Variants in TRMT44 observed in about 807,000 individuals in gnomAD.
TRMT44 encodes the protein tRNA methyltransferase 44 homolog.
Under a neutral mutation model 77.3 loss-of-function variants are expected in TRMT44, and 78 were observed. The observed-to-expected ratio is 1.01, with a 90% CI of 0.84 to 1.22. TRMT44 has a LOEUF of 1.22. TRMT44 is among the 50% of genes most tolerant of loss of function. TRMT44 has a pLI of 0.00. For synonymous variants in TRMT44, 391 were observed against 383.3 expected, an observed-to-expected ratio of 1.02 and a Z score of -0.23; for missense variants, 1,090 against 964.4, an observed-to-expected ratio of 1.13 and a Z score of -1.73.
downstream of TRMT44, among the ~76,000 whole-genome samples, chr4:8,479,989 T>A (rs1329118634): frequency 6.6e-5 from 10 of 152,052 alleles, no homozygotes; most frequent in African/African-American, 2.2e-4. Context: ...TTAATTGATC[T>A]CCTGCCTCAG....
rs754944047 is a variant in TRMT44 at position 8,475,752 on chromosome 4, TTC to T, written c.2045-16_2045-15del. 3.1e-6 allele frequency: 5 copies of T among 1,612,192 alleles called. No individual in the cohort carries two copies. The African/African-American group carries it at 5.3e-5, about 17-fold the overall frequency. The stretch of plus-strand genomic sequence containing the variant: ...TTTCAGGTTTACTTCTCAGTGTGTC[TTC>T]TCTGTTCCAAACCACAGTTGTGAAT... On this transcript the variant is annotated intron_variant, in intron 10 of 10. Coordinates refer to ENST00000389737, the MANE Select transcript of TRMT44 (RefSeq NM_152544.3).
chr4:8,479,882 T>TA (rs1373033560), downstream of TRMT44, among the ~76,000 whole-genome samples: 1 of 152,224 alleles, frequency 6.6e-6, no homozygotes, highest in Non-Finnish European at 1.5e-5. Flanking sequence ...TTCCTTTTTT[T>TA]ATTTTGTTTT....
At chr4:8,441,572 G>GT (rs1724702202) in intron 1 of TRMT44, 131 bp downstream of exon 1, 1 of 1,074,990 alleles carries the variant, frequency 9.3e-7, no homozygotes, top group East Asian at 2.8e-5. Context: ...GTGTTTCATA[G>GT]TTTTTTGAGT....
In TRMT44 at chr4:8,470,976, A is replaced by G. The variant is rs549420576; in HGVS notation, c.1928-108A>G. On this transcript the variant is annotated intron_variant, in intron 9 of 10. Coordinates refer to ENST00000389737, the MANE Select transcript of TRMT44 (RefSeq NM_152544.3). ...GGAATCGTCCTTCGTGCTGGAGTGC[A>G]TAACGCGTGTGAGTGTATGGAACTG... The G allele has an allele frequency of 9.0e-5, 66 of 733,138 alleles. No homozygotes were observed. The East Asian group carries it at 1.7e-3, about 18-fold the overall frequency. 45.4% of individuals were successfully genotyped at this position (733,138 alleles called of 1,614,324 possible). A position where few individuals can be genotyped will look rare whatever the true frequency, so the allele number is the denominator to read the frequency against.
chr4:8,458,657 G>A (rs1466137392), intron 6 of TRMT44, among the ~76,000 whole-genome samples: 1 of 151,590 alleles, frequency 6.6e-6, no homozygotes, highest in Non-Finnish European at 1.5e-5. Context: ...GTTTCACCAT[G>A]TTGGCCAGGC....
chr4:8,467,700 G>A (rs1315977684), intron 8 of TRMT44, among the ~76,000 whole-genome samples: 1 of 152,182 alleles, frequency 6.6e-6, no homozygotes, highest in Non-Finnish European at 1.5e-5. Flanking sequence ...AGGCTGGTCT[G>A]AAACTCAAGT....
the TRMT44 span, among the ~76,000 whole-genome samples, chr4:8,503,548 G>A: frequency 1.3e-5 from 2 of 152,196 alleles, no homozygotes; most frequent in African/African-American, 2.4e-5. Flanking sequence ...GCAGCCACCC[G>A]GATGGAGGGT....
intron 2 of TRMT44, among the ~76,000 whole-genome samples, chr4:8,486,809 G>T (rs992650568): frequency 2.7e-5 from 4 of 150,332 alleles, no homozygotes; most frequent in Non-Finnish European, 5.9e-5. Context: ...TAAACCGGAC[G>T]GGGTGTGAGG....
intron 6 of TRMT44, among the ~76,000 whole-genome samples, chr4:8,457,412 G>C (rs1035053456): frequency 6.6e-6 from 1 of 152,176 alleles, no homozygotes; most frequent in Non-Finnish European, 1.5e-5. Context: ...ACCTTTTAAA[G>C]TTCTGTTGAT....
the TRMT44 span, among the ~76,000 whole-genome samples, chr4:8,511,237 AAC>A: frequency 6.6e-6 from 1 of 152,196 alleles, no homozygotes; most frequent in African/African-American, 2.4e-5. Context: ...CGTTCCTGAA[AAC>A]ACACACAGTC....
rs974392985 is a variant in TRMT44, at chr4:8,491,733, G to A, written n.3892-1533G>A. On this transcript the variant is annotated intron_variant and non_coding_transcript_variant, in intron 2 of 2. Coordinates refer to the TRMT44 transcript ENST00000511366. ...AGGCCCGCCAAACCCACGCCCACCC[G>A]GAACTCCAGCTGGCCCCCAAGCGCT... 6.6e-5 allele frequency among the ~76,000 whole-genome samples: 10 copies of A among 152,340 alleles called. No homozygotes were observed. In the East Asian group the frequency reaches 7.7e-4, roughly 12 times the overall value.
intron 1 of TRMT44, among the ~76,000 whole-genome samples, chr4:8,445,052 T>A (rs73211359): frequency 0.016 from 2,374 of 152,248 alleles, 17 homozygotes; most frequent in Middle Eastern, 0.037. Context: ...CTCCCAACAA[T>A]AAGGAGTTAT....
rs976422784 is a variant in TRMT44 at position 8,444,673 on chromosome 4, C to T, written c.620-1803C>T. Among the ~76,000 whole-genome samples, 12 of 152,328 alleles carry T rather than the reference C, an allele frequency of 7.9e-5. No individual in the cohort carries two copies. Among genetic ancestry groups the T allele is most frequent in the East Asian group, 7.7e-4 (4 of 5,184 alleles). Reference sequence around the variant, plus strand: ...TTGGCCTCCCAAAGTGCCGGGGTTACGGGCGTGAGCCACCTCTCCCGGCCA... The same window carrying T: ...TTGGCCTCCCAAAGTGCCGGGGTTATGGGCGTGAGCCACCTCTCCCGGCCA... On this transcript the variant is annotated intron_variant, in intron 1 of 10. Coordinates refer to ENST00000389737, the MANE Select transcript of TRMT44 (RefSeq NM_152544.3). This position sits in a 1 kb window ranked among gnomAD's most constrained non-coding sequence, Gnocchi z 4.0.
In TRMT44 at chr4:8,441,170, C is replaced by A. The variant is rs1286026797; in HGVS notation, c.348C>A (p.Ala116=). ...QCQQEEAQRE[A]ASVPLRDSGH... The stretch of plus-strand genomic sequence containing the variant: ...AGCAAGAGGAGGCACAGAGGGAAGC[C>A]GCCTCAGTGCCCCTGAGGGACTCCG... The change falls in exon 1 of 11, where the codon GCC becomes GCA. Residue 116 remains alanine (A), a synonymous_variant. Coordinates refer to ENST00000389737, the MANE Select transcript of TRMT44 (RefSeq NM_152544.3). The A allele has an allele frequency of 6.5e-7, 1 of 1,529,514 alleles. No homozygotes were observed. The highest frequency in any genetic ancestry group is 2.0e-5 in the Admixed American group (1 of 50,646). The allele number at this position is 1,529,514 out of a possible 1,614,324, so 94.7% of individuals were successfully genotyped here.
At chr4:8,464,126 G>T (rs987549120) in intron 7 of TRMT44, 35 bp downstream of exon 7, 9 of 1,567,180 alleles carry the variant, frequency 5.7e-6, no homozygotes, top group Non-Finnish European at 7.9e-6. Context: ...TGAATGGCTG[G>T]GGAATGCTTC....
At chr4:8,445,005 A>G (rs1436912658) in intron 1 of TRMT44, among the ~76,000 whole-genome samples, 1 of 152,224 alleles carries the variant, frequency 6.6e-6, no homozygotes, top group African/African-American at 2.4e-5. Flanking sequence ...GGTAGGGGCC[A>G]GGGCTTCTTA....
At chr4:8,449,949 C>CTTTTTCT (rs1725325774) in intron 3 of TRMT44, 61 bp downstream of exon 3, 31 of 239,144 alleles carry the variant, frequency 1.3e-4, no homozygotes, top group Admixed American at 1.2e-4. Flanking sequence ...CTTTTCTTTT[C>CTTTTTCT]TTTTTTTTTT....
chr4:8,495,918 A>G (rs2109242465), downstream of TRMT44, among the ~76,000 whole-genome samples: 1 of 152,370 alleles, frequency 6.6e-6, no homozygotes, highest in South Asian at 2.1e-4. Context: ...CCCACAACCA[A>G]TCAGACTGGT....
intron 10 of TRMT44, among the ~76,000 whole-genome samples, chr4:8,472,558 G>T (rs1727081499): frequency 6.6e-6 from 1 of 152,090 alleles, no homozygotes; most frequent in African/African-American, 2.4e-5. Flanking sequence ...ACACAAGAGT[G>T]CAAGCGTGTG....
Sources: gnomAD v4.1 joint callset for allele counts (sites outside exome capture counted in the v4.1 genomes callset) on GRCh38, gnomAD v4.1.1 for gene constraint, Gnocchi (gnomAD v3.1) non-coding constraint, MANE v1.5 for transcripts, NCBI Gene and HGNC (gene_info 2026-07-23, HGNC 2026-07-21) for gene names.